The following RGS3 variants were observed in gnomAD, a reference collection of about 807,000 sequenced individuals.
RGS3 encodes regulator of G-protein signalling 3.
Under a neutral mutation model 132.6 loss-of-function variants are expected in RGS3, and 80 were observed. The observed-to-expected ratio is 0.60, with a 90% CI of 0.50 to 0.73. The LOEUF (loss-of-function observed/expected upper bound fraction) is 0.73, where lower values mean the gene tolerates loss of function less well. RGS3 is among the 30% of genes least tolerant of loss of function. The pLI, the probability that RGS3 is intolerant of heterozygous loss-of-function variation, is 0.00. For synonymous variants in RGS3, 598 were observed against 620.6 expected (o/e 0.96, Z 0.54); for missense variants, 1,382 against 1,530.8 (o/e 0.90, Z 1.62).
rs1354952918 is a variant in RGS3 at position 113,594,214 on chromosome 9, A to G, written c.3081-216A>G. The G allele has an allele frequency of 6.2e-6, 10 of 1,612,732 alleles. No individual in the cohort carries two copies. The Admixed American group carries it at 6.7e-5, about 11-fold the overall frequency. On this transcript the variant is annotated intron_variant, in intron 21 of 24. Transcript: ENST00000350696. ...CTGCCCAGGACGCGGGGTGGGGGAC[A>G]GGAGCCAGAGTGGTGCCTCCTACAG...
In RGS3 at chr9:113,507,427, A is replaced by G. The variant is rs750377701; in HGVS notation, c.1226A>G (p.Asn409Ser). 2 of 1,613,916 alleles carry G rather than the reference A, an allele frequency of 1.2e-6. No homozygotes were observed. Among genetic ancestry groups the G allele is most frequent in the Admixed American group, 3.3e-5 (2 of 60,022 alleles). Reference sequence around the variant, plus strand: ...TCACCCCCCAACAAACGGGAGAAGAACTGCACCCATGGGGTCCAGGCACGG... The same window carrying G: ...TCACCCCCCAACAAACGGGAGAAGAGCTGCACCCATGGGGTCCAGGCACGG... Residue 409 changes from asparagine to serine, a missense_variant, in exon 13 of 25, where the codon AAC becomes AGC. Asn to Ser is a conservative substitution (Grantham distance 46). Coordinates refer to ENST00000350696, the Ensembl canonical transcript of RGS3. This position sits in a 1 kb window ranked among gnomAD's most constrained non-coding sequence, Gnocchi z 5.0.
At chr9:113,497,915 C>T (rs1830738356) in intron 9 of RGS3, 110 bp from the exon 8 acceptor site, 8 of 1,071,326 alleles carry the variant, frequency 7.5e-6, no homozygotes, top group Non-Finnish European at 1.1e-5. Context: ...CCAGGAGTGG[C>T]CCTGGGCAGC....
chr9:113,503,169 G>A (rs958124724), intron 10 of RGS3, among the ~76,000 whole-genome samples: 1 of 152,204 alleles, frequency 6.6e-6, no homozygotes, highest in Non-Finnish European at 1.5e-5. Flanking sequence ...GGAAGGACAG[G>A]CTCTGTCAGA....
intron 19 of RGS3, among the ~76,000 whole-genome samples, chr9:113,548,004 G>A (rs748108737): frequency 2.2e-4 from 33 of 152,320 alleles, no homozygotes; most frequent in South Asian, 4.1e-4. Context: ...GTGGGAAAAT[G>A]CATTCAGAGG....
At chr9:113,573,215 ATCT>A (rs1834366260) in intron 19 of RGS3, among the ~76,000 whole-genome samples, 1 of 152,290 alleles carries the variant, frequency 6.6e-6, no homozygotes, top group East Asian at 1.9e-4. Flanking sequence ...TGATTTGCCT[ATCT>A]CCAAGCCCCA....
intron 6 of RGS3, among the ~76,000 whole-genome samples, chr9:113,484,468 G>A (rs1259347362): frequency 6.6e-6 from 1 of 152,104 alleles, no homozygotes; most frequent in East Asian, 1.9e-4. Context: ...GTATCACTTG[G>A]CTAGCTCTCA....
intron 17 of RGS3, among the ~76,000 whole-genome samples, chr9:113,523,734 C>T (rs917880342): frequency 2.6e-5 from 4 of 152,106 alleles, no homozygotes. Context: ...GAGAGGGGCT[C>T]GGTTTCCTCT....
Position 113,461,865 on chromosome 9 carries a change from C to CT in RGS3, c.234+6dup, listed in dbSNP as rs1554753803. 4 of 1,612,226 alleles carry CT rather than the reference C, an allele frequency of 2.5e-6. No individual in the cohort carries two copies. In the South Asian group the frequency reaches 4.4e-5, roughly 18 times the overall value. ...CCCTGGCGAAGTTGTGAAGAGGTGACTATCATCTCAGGCACATCACCTTCC... is the reference window on the plus strand; with the variant it reads ...CCCTGGCGAAGTTGTGAAGAGGTGACTTATCATCTCAGGCACATCACCTTCC... On this transcript the variant is annotated splice_donor_region_variant and intron_variant, in intron 2 of 24. Transcript: ENST00000350696.
exon 25 of RGS3, chr9:113,596,946 C>G: frequency 6.2e-7 from 1 of 1,603,752 alleles, no homozygotes; most frequent in Non-Finnish European, 8.5e-7. Context: ...ATGAGTCCCC[C>G]GCTTTAGGGG....
In RGS3 at chr9:113,497,406, T is replaced by A; in HGVS notation, c.841+2T>A. On this transcript the variant is annotated splice_donor_variant, in intron 9 of 24. Transcript: ENST00000350696. LOFTEE classifies it high-confidence loss of function. ...GGCGGCGACTGCGGCCGCTGAGAGG[T>A]ACCTGCACACCCCCTTCAGCTTCCC... 1 of 1,612,176 alleles carries A rather than the reference T, an allele frequency of 6.2e-7. No homozygotes were observed. The highest frequency in any genetic ancestry group is 8.5e-7 in the Non-Finnish European group (1 of 1,179,286).
exon 23 of RGS3, chr9:113,594,939 T>C: frequency 6.2e-7 from 1 of 1,614,040 alleles, no homozygotes; most frequent in Non-Finnish European, 8.5e-7. Flanking sequence ...GAGGAAGCCC[T>C]CAAGTGGGGC....
chr9:113,507,545 C>A lies in RGS3; in HGVS notation c.1344C>A (p.Arg448=). ...AGCGCTACACCGAGGTGGCCAAGCG[C>A]GGGGGCCAGCACACCCTGCCTGCAC... Residue 448 remains arginine (R), a synonymous_variant, in exon 13 of 25, where the codon CGC becomes CGA. Transcript: ENST00000350696. This position sits in a 1 kb window ranked among gnomAD's most constrained non-coding sequence, Gnocchi z 5.0. The A allele has an allele frequency of 1.3e-6, 2 of 1,593,044 alleles. No individual in the cohort carries two copies. Among genetic ancestry groups the A allele is most frequent in the South Asian group, 1.1e-5 (1 of 87,928 alleles).
At chr9:113,482,064 A>T (rs1564468370) in intron 4 of RGS3, among the ~76,000 whole-genome samples, 1 of 151,852 alleles carries the variant, frequency 6.6e-6, no homozygotes, top group Non-Finnish European at 1.5e-5. Context: ...AAAAAAACAA[A>T]AAAAACAAGA....
intron 19 of RGS3, among the ~76,000 whole-genome samples, chr9:113,552,340 G>A (rs1185241341): frequency 6.6e-6 from 1 of 151,654 alleles, no homozygotes; most frequent in African/African-American, 2.4e-5. Context: ...TTTTTGAGAC[G>A]GAGTCTCACT....
upstream of RGS3, among the ~76,000 whole-genome samples, chr9:113,455,311 T>C (rs925134443): frequency 1.3e-5 from 2 of 152,210 alleles, no homozygotes; most frequent in Non-Finnish European, 2.9e-5. Flanking sequence ...CAGAAGTCTA[T>C]ATTGTTTTTT....
chr9:113,470,996 G>A (rs573876740), intron 3 of RGS3, among the ~76,000 whole-genome samples: 4 of 152,204 alleles, frequency 2.6e-5, no homozygotes, highest in South Asian at 4.2e-4. Flanking sequence ...AACAGTATAG[G>A]CAGAGAGTTG....
chr9:113,591,611 G>A lies in RGS3; in HGVS notation c.3080+214G>A. The A allele has an allele frequency of 1.8e-6, 1 of 547,436 alleles. No individual in the cohort carries two copies. The highest frequency in any genetic ancestry group is 3.3e-6 in the Non-Finnish European group (1 of 302,688). The allele number at this position is 547,436 out of a possible 1,614,324, so 33.9% of individuals were successfully genotyped here. On this transcript the variant is annotated intron_variant, in intron 21 of 24. Transcript: ENST00000350696. The surrounding 1 kb of genome is among the most constrained non-coding windows in gnomAD (Gnocchi z 4.4). ...GAGCATTCTCTCCAAGTGAGGCAAA[G>A]TGCTGATTCAGTACCCGGAAGCCAC...
At chr9:113,519,036 T>G (rs927844983) in intron 16 of RGS3, among the ~76,000 whole-genome samples, 2 of 152,188 alleles carry the variant, frequency 1.3e-5, no homozygotes, top group Non-Finnish European at 2.9e-5. Flanking sequence ...CTGCAAACAT[T>G]GAGCACTTAT....
chr9:113,482,055 A>G (rs1022288629), intron 4 of RGS3, among the ~76,000 whole-genome samples: 8 of 151,710 alleles, frequency 5.3e-5, no homozygotes, highest in Non-Finnish European at 8.8e-5. Context: ...TCAAAAAAAA[A>G]AAAAACAAAA....
Sources: gnomAD v4.1 joint callset for allele counts (sites outside exome capture counted in the v4.1 genomes callset) on GRCh38, gnomAD v4.1.1 for gene constraint, Gnocchi (gnomAD v3.1) non-coding constraint, MANE v1.5 for transcripts, NCBI Gene and HGNC (gene_info 2026-07-23, HGNC 2026-07-21) for gene names.